The following SLC2A13 variants were observed in gnomAD, a reference collection of about 807,000 sequenced individuals.
The protein encoded by SLC2A13 is solute carrier family 2 member 13, also known as proton myo-inositol cotransporter.
In SLC2A13, 32 loss-of-function variants were observed where a neutral mutation model predicts 64.4. That is an observed-to-expected ratio of 0.50 (90% CI 0.37 to 0.67). SLC2A13 has a LOEUF of 0.67. Ranked by LOEUF, SLC2A13 falls within the 30% of genes least tolerant of loss-of-function variation. The pLI, the probability that SLC2A13 is intolerant of heterozygous loss-of-function variation, is 0.00. For synonymous variants in SLC2A13, 338 were observed against 327.1 expected (o/e 1.03, Z -0.36); for missense variants, 743 against 829.2 (o/e 0.90, Z 1.28).
At chr12:39,952,825 A>T (rs151335314) in intron 3 of SLC2A13, among the ~76,000 whole-genome samples, 130 of 152,306 alleles carry the variant, frequency 8.5e-4, no homozygotes, top group Middle Eastern at 6.8e-3. Flanking sequence ...TGAGAGTTTG[A>T]TTGTAACAAT....
chr12:40,103,418 T>C (rs1939207489), intron 1 of SLC2A13, among the ~76,000 whole-genome samples: 1 of 152,210 alleles, frequency 6.6e-6, no homozygotes, highest in Admixed American at 6.5e-5. Context: ...CTTATAAAGC[T>C]TAGCAAGTTC....
chr12:39,958,496 C>T (rs1251094132), intron 3 of SLC2A13, among the ~76,000 whole-genome samples: 1 of 152,164 alleles, frequency 6.6e-6, no homozygotes, highest in Admixed American at 6.5e-5. Flanking sequence ...AATAAGAAGC[C>T]TAATATGTGG....
intron 3 of SLC2A13, among the ~76,000 whole-genome samples, chr12:40,009,232 C>T (rs963515254): frequency 6.6e-6 from 1 of 152,088 alleles, no homozygotes; most frequent in Non-Finnish European, 1.5e-5. Flanking sequence ...CTGTCCTGTT[C>T]TAACCCTCCA....
chr12:40,103,777 G>A (rs1327074659), intron 1 of SLC2A13, among the ~76,000 whole-genome samples: 1 of 152,202 alleles, frequency 6.6e-6, no homozygotes, highest in Admixed American at 6.5e-5. Context: ...AAGAATCGTG[G>A]TCACTTAAAC....
At position 39,894,151 on chromosome 12, in the gene SLC2A13, C is replaced by CAA. The variant is rs373163981; in HGVS notation, c.1035-22192_1035-22191dup. The stretch of plus-strand genomic sequence containing the variant: ...ATAGTGCCACGTCACTAGGGCTTTG[C>CAA]AAAAAGTAACAGCTCAATGAACTAA... On this transcript the variant is annotated intron_variant, in intron 4 of 9. Coordinates refer to ENST00000280871, the MANE Select transcript of SLC2A13 (RefSeq NM_052885.4). Among the ~76,000 whole-genome samples, 793 of 152,228 alleles carry CAA rather than the reference C, an allele frequency of 5.2e-3. 9 individuals are homozygous for CAA. Among genetic ancestry groups the CAA allele is most frequent in the African/African-American group, 0.018 (760 of 41,554 alleles).
At chr12:40,049,614 T>C (rs549400807) in intron 1 of SLC2A13, among the ~76,000 whole-genome samples, 5 of 152,146 alleles carry the variant, frequency 3.3e-5, no homozygotes, top group Admixed American at 6.5e-5. Flanking sequence ...CTCCATCCAA[T>C]GTTTTGGACT....
intron 3 of SLC2A13, among the ~76,000 whole-genome samples, chr12:40,010,046 C>T (rs10877929): frequency 0.12 from 18,697 of 152,134 alleles, 1,228 homozygotes; most frequent in East Asian, 0.19. Context: ...ATCCCAGATG[C>T]CGCTAATCTA....
At chr12:40,075,570 G>A (rs1938139008) in intron 1 of SLC2A13, among the ~76,000 whole-genome samples, 1 of 152,054 alleles carries the variant, frequency 6.6e-6, no homozygotes, top group Non-Finnish European at 1.5e-5. Context: ...ATATTATCTG[G>A]GCATGGCTTT....
At chr12:39,951,142 C>T (rs1180792643) in intron 4 of SLC2A13, 115 bp downstream of exon 4, 1 of 820,614 alleles carries the variant, frequency 1.2e-6, no homozygotes, top group East Asian at 3.0e-5. Flanking sequence ...AGAATTCATA[C>T]ATTTAATCAG....
intron 7 of SLC2A13, among the ~76,000 whole-genome samples, chr12:39,807,196 CAG>C (rs1304544451): frequency 2.6e-5 from 4 of 152,190 alleles, no homozygotes. Flanking sequence ...GAGTTAAGGA[CAG>C]GGCCACGTAG....
chr12:40,018,960 T>G (rs150214057), intron 3 of SLC2A13, among the ~76,000 whole-genome samples: 1 of 152,078 alleles, frequency 6.6e-6, no homozygotes, highest in Non-Finnish European at 1.5e-5. Context: ...TCAAACAAGA[T>G]TGTAAAGGAA....
At chr12:39,767,115 C>T (rs991693825) in intron 7 of SLC2A13, among the ~76,000 whole-genome samples, 2 of 152,052 alleles carry the variant, frequency 1.3e-5, no homozygotes, top group Non-Finnish European at 2.9e-5. Flanking sequence ...TCTATGGCAG[C>T]TATGGCCTTA....
At chr12:39,905,366 C>A (rs2136027381) in intron 4 of SLC2A13, among the ~76,000 whole-genome samples, 1 of 152,210 alleles carries the variant, frequency 6.6e-6, no homozygotes, top group African/African-American at 2.4e-5. Context: ...GCACAGTGCG[C>A]TGTGGGCCTG....
chr12:39,880,714 C>A (rs1944318157), intron 4 of SLC2A13, among the ~76,000 whole-genome samples: 1 of 152,128 alleles, frequency 6.6e-6, no homozygotes, highest in African/African-American at 2.4e-5. Context: ...GCCAATGTTG[C>A]CAATGTGACC....
At chr12:39,782,451 G>A (rs4529945) in intron 7 of SLC2A13, among the ~76,000 whole-genome samples, 145,183 of 152,170 alleles carry the variant, frequency 0.95, 69,305 homozygotes, top group East Asian at 1. Flanking sequence ...TTCTCTTGCC[G>A]CCACCACGTA....
At chr12:39,894,991 C>G (rs537072415) in intron 4 of SLC2A13, among the ~76,000 whole-genome samples, 1 of 152,232 alleles carries the variant, frequency 6.6e-6, no homozygotes, top group Non-Finnish European at 1.5e-5. Flanking sequence ...GGACCATGAC[C>G]AAATCATCCT....
intron 4 of SLC2A13, among the ~76,000 whole-genome samples, chr12:39,922,011 T>A (rs1945622417): frequency 6.6e-6 from 1 of 151,384 alleles, no homozygotes; most frequent in South Asian, 2.1e-4. Flanking sequence ...GTGATGTACC[T>A]ACATTTGTAG....
intron 3 of SLC2A13, among the ~76,000 whole-genome samples, chr12:40,008,274 C>T (rs1289629870): frequency 3.9e-5 from 6 of 152,118 alleles, no homozygotes; most frequent in Admixed American, 2.6e-4. Context: ...GTGGTGATGA[C>T]AGGAAGCTCC....
chr12:40,025,013 C>T (rs932520675), intron 3 of SLC2A13, among the ~76,000 whole-genome samples: 1 of 152,208 alleles, frequency 6.6e-6, no homozygotes, highest in Non-Finnish European at 1.5e-5. Context: ...CTTTATTATT[C>T]CTACAGGATG....
Sources: allele counts gnomAD v4.1 joint callset (sites outside exome capture counted in the v4.1 genomes callset), GRCh38; gene constraint gnomAD v4.1.1; transcripts MANE v1.5; gene names NCBI Gene and HGNC (gene_info 2026-07-23, HGNC 2026-07-21).